The following DLGAP1 variants were observed in gnomAD, a reference collection of about 807,000 sequenced individuals.
The protein encoded by DLGAP1 is DLG associated protein 1.
In DLGAP1, 11 loss-of-function variants were observed where a neutral mutation model predicts 90.8. The ratio of observed to expected loss-of-function variants is 0.12; its 90% CI spans 0.08 to 0.20. The LOEUF (loss-of-function observed/expected upper bound fraction) is 0.20. DLGAP1 is among the 10% of genes least tolerant of loss of function. The probability of loss-of-function intolerance (pLI) is 1.00; values close to 1 mark genes in which losing one functional copy is unlikely to be tolerated. For missense variants in DLGAP1, 1,050 were observed against 1,333.8 expected (o/e 0.79, Z 3.31); for synonymous variants, 558 against 540.7 (o/e 1.03, Z -0.44).
intron 3 of DLGAP1, among the ~76,000 whole-genome samples, chr18:3,998,376 A>G (rs773814241): frequency 6.6e-6 from 1 of 152,206 alleles, no homozygotes; most frequent in Non-Finnish European, 1.5e-5. Flanking sequence ...GAATGTTAAT[A>G]TTTGATGTGC....
chr18:4,436,376 T>C (rs2083398628), intron 1 of DLGAP1, among the ~76,000 whole-genome samples: 1 of 151,992 alleles, frequency 6.6e-6, no homozygotes, highest in South Asian at 2.1e-4. Flanking sequence ...AAATCCTATT[T>C]CTGGGCCCCG....
At chr18:3,518,956 T>A (rs2051005866) in intron 10 of DLGAP1, among the ~76,000 whole-genome samples, 1 of 152,246 alleles carries the variant, frequency 6.6e-6, no homozygotes, top group Non-Finnish European at 1.5e-5. Flanking sequence ...TTCACAAGTG[T>A]CACTGATTGG....
chr18:3,935,951 C>A (rs376750955), intron 3 of DLGAP1, among the ~76,000 whole-genome samples: 3 of 152,320 alleles, frequency 2.0e-5, no homozygotes, highest in East Asian at 3.9e-4. Context: ...GAGAGTCAAA[C>A]CCCCAATGTT....
chr18:3,647,380 A>G (rs372619706), intron 7 of DLGAP1, among the ~76,000 whole-genome samples: 2 of 152,008 alleles, frequency 1.3e-5, no homozygotes, highest in East Asian at 3.8e-4. Context: ...ACGATAACAA[A>G]ACTATAAATA....
chr18:3,729,054 G>T lies in DLGAP1; in HGVS notation c.1591+81C>A. The T allele has an allele frequency of 6.6e-7, 1 of 1,511,234 alleles. No homozygotes were observed. Among genetic ancestry groups the T allele is most frequent in the South Asian group, 1.3e-5 (1 of 77,212 alleles). The allele number at this position is 1,511,234 out of a possible 1,614,324, so 93.6% of individuals were successfully genotyped here. On this transcript the variant is annotated intron_variant, in intron 7 of 12. Coordinates refer to ENST00000315677, the MANE Select transcript of DLGAP1 (RefSeq NM_004746.4). The surrounding 1 kb of genome is among the most constrained non-coding windows in gnomAD (Gnocchi z 6.2). ...CTTGTTCCTGGCAACTATGTGTGTT[G>T]ACAGCAAGGGCACAGTCTTTGGGGA...
At chr18:3,990,778 G>T (rs2073951830) in intron 3 of DLGAP1, among the ~76,000 whole-genome samples, 1 of 151,800 alleles carries the variant, frequency 6.6e-6, no homozygotes, top group African/African-American at 2.4e-5. Flanking sequence ...TGTAAAGCCA[G>T]ATTTGCCTTC....
At chr18:3,713,632 A>G (rs907624152) in intron 7 of DLGAP1, among the ~76,000 whole-genome samples, 1 of 152,224 alleles carries the variant, frequency 6.6e-6, no homozygotes, top group Non-Finnish European at 1.5e-5. Context: ...GCCTTTGCTT[A>G]TACTTCTATT....
At chr18:4,300,708 G>T (rs2080104055) in intron 1 of DLGAP1, among the ~76,000 whole-genome samples, 1 of 152,048 alleles carries the variant, frequency 6.6e-6, no homozygotes, top group Non-Finnish European at 1.5e-5. Flanking sequence ...TGTGTACATG[G>T]TTATACACTT....
intron 1 of DLGAP1, among the ~76,000 whole-genome samples, chr18:4,193,825 C>T (rs1466089206): frequency 6.6e-6 from 1 of 151,862 alleles, no homozygotes; most frequent in Non-Finnish European, 1.5e-5. Flanking sequence ...TTTTCAATGC[C>T]CCAGTGAACT....
rs574942662 is a variant in DLGAP1 at position 4,036,176 on chromosome 18, C to T, written c.-158-30975G>A. Among the ~76,000 whole-genome samples, 5 of 152,196 alleles carry T rather than the reference C, an allele frequency of 3.3e-5. 1 individual carries two copies. Among genetic ancestry groups the T allele is most frequent in the African/African-American group, 1.2e-4 (5 of 41,524 alleles). On this transcript the variant is annotated intron_variant, in intron 2 of 12. Transcript: ENST00000315677. ...TTACACACTACTGTACAAAAGAAGT[C>T]CTTGAAATGAGGTAATACTAGGAGA... is the stretch of plus-strand genomic sequence containing the variant.
intron 1 of DLGAP1, among the ~76,000 whole-genome samples, chr18:4,162,495 T>C (rs1291760419): frequency 1.3e-5 from 2 of 152,196 alleles, no homozygotes; most frequent in South Asian, 2.1e-4. Context: ...AATCATTGTG[T>C]GCACCTACTA....
intron 11 of DLGAP1, among the ~76,000 whole-genome samples, chr18:3,507,919 TAG>T (rs2050334391): frequency 6.6e-6 from 1 of 152,174 alleles, no homozygotes; most frequent in Non-Finnish European, 1.5e-5. Context: ...GTATCTTTAG[TAG>T]AGACAGGGTT....
chr18:3,822,981 AGATTCTAGTAT>A (rs2067505100), intron 4 of DLGAP1, among the ~76,000 whole-genome samples: 1 of 152,206 alleles, frequency 6.6e-6, no homozygotes, highest in Admixed American at 6.5e-5. Flanking sequence ...CAAGATATTA[AGATTCTAGTAT>A]GATGTAGGGA....
intron 7 of DLGAP1, among the ~76,000 whole-genome samples, chr18:3,600,605 C>T (rs1378790966): frequency 1.3e-5 from 2 of 150,148 alleles, no homozygotes; most frequent in South Asian, 2.1e-4. Context: ...TGAACTGTTT[C>T]TTTCCACAGT....
chr18:3,825,031 A>C (rs2067633994), intron 4 of DLGAP1, among the ~76,000 whole-genome samples: 1 of 152,220 alleles, frequency 6.6e-6, no homozygotes, highest in Non-Finnish European at 1.5e-5. Flanking sequence ...GCTACGTTTC[A>C]ATCTACTTTC....
intron 5 of DLGAP1, among the ~76,000 whole-genome samples, chr18:3,772,257 T>A (rs1402230079): frequency 1.3e-5 from 2 of 150,228 alleles, no homozygotes; most frequent in Non-Finnish European, 3.0e-5. Context: ...TTCCTTCCTT[T>A]CTTTCTCTCT....
intron 1 of DLGAP1, among the ~76,000 whole-genome samples, chr18:4,329,615 A>C (rs1369024295): frequency 6.6e-6 from 1 of 151,968 alleles, no homozygotes; most frequent in East Asian, 1.9e-4. Context: ...CGGTTGAGTC[A>C]TCTAATCTGT....
intron 7 of DLGAP1, among the ~76,000 whole-genome samples, chr18:3,583,195 T>TTCCTTCCTTCCTTCCC (rs1555688633): frequency 1.7e-4 from 25 of 147,714 alleles, no homozygotes; most frequent in Admixed American, 2.7e-4. Context: ...CCTTCCTTCC[T>TTCCTTCCTTCCTTCCC]TCCTTCCTTC....
intron 1 of DLGAP1, among the ~76,000 whole-genome samples, chr18:4,287,682 A>C (rs970911335): frequency 6.6e-6 from 1 of 151,996 alleles, no homozygotes; most frequent in African/African-American, 2.4e-5. Flanking sequence ...AGGGCCTGTC[A>C]TGGGGTGGAG....
Sources: gnomAD v4.1 joint callset for allele counts (sites outside exome capture counted in the v4.1 genomes callset) on GRCh38, gnomAD v4.1.1 for gene constraint, Gnocchi (gnomAD v3.1) non-coding constraint, MANE v1.5 for transcripts, NCBI Gene and HGNC (gene_info 2026-07-23, HGNC 2026-07-21) for gene names.